The following FGF7 variants were observed in gnomAD, a reference collection of about 807,000 sequenced individuals.
FGF7 encodes fibroblast growth factor 7.
Under a neutral mutation model 20.5 loss-of-function variants are expected in FGF7, and 6 were observed. The ratio of observed to expected loss-of-function variants is 0.29; its 90% confidence interval spans 0.16 to 0.58. The LOEUF (loss-of-function observed/expected upper bound fraction) is 0.58, where lower values mean the gene tolerates loss of function less well. FGF7 is among the 20% of genes least tolerant of loss of function. The pLI, the probability that FGF7 is intolerant of heterozygous loss-of-function variation, is 0.90. For missense variants in FGF7, 144 were observed against 228.8 expected (o/e 0.63, Z 2.39); for synonymous variants, 64 against 74.7 (o/e 0.86, Z 0.74).
At chr15:49,460,730 T>C (rs2053715418) in intron 2 of FGF7, among the ~76,000 whole-genome samples, 1 of 152,174 alleles carries the variant, frequency 6.6e-6, no homozygotes, top group Non-Finnish European at 1.5e-5. Context: ...AAAACCCCTC[T>C]GGCACTTATA....
rs2051542379 is a variant in FGF7 at position 49,440,560 on chromosome 15, T to C, written c.286+15977T>C. On this transcript the variant is annotated intron_variant, in intron 2 of 3. Coordinates refer to ENST00000267843, the MANE Select transcript of FGF7 (RefSeq NM_002009.4). Reference sequence around the variant, plus strand: ...TTGTTGTACAGTCATACAGCTAAAATAAAATTAACCAAATTAATGCATTAA... The same window carrying C: ...TTGTTGTACAGTCATACAGCTAAAACAAAATTAACCAAATTAATGCATTAA... Among the ~76,000 whole-genome samples the C allele has an allele frequency of 2.0e-5, 3 of 151,914 alleles. No homozygotes were observed. The South Asian group carries it at 6.2e-4, about 31-fold the overall frequency.
At chr15:49,480,643 G>A (rs1311339003) in intron 2 of FGF7, among the ~76,000 whole-genome samples, 3 of 151,762 alleles carry the variant, frequency 2.0e-5, no homozygotes, top group Admixed American at 6.6e-5. Context: ...CACCACACCC[G>A]GATAATTTTT....
At position 49,486,267 on chromosome 15, in the gene FGF7, TATACGACC is replaced by T. The variant is rs2056394076; in HGVS notation, c.*1765_*1772del. On this transcript the variant is annotated 3_prime_UTR_variant, in exon 4 of 4. Transcript: ENST00000267843. ...TCATTTAATTTTCCTGTGGTTGACC[TATACGACC>T]AGGATGTAGAAAACTAGAAAGAACT... is the stretch of plus-strand genomic sequence containing the variant. The T allele has an allele frequency of 6.6e-6, 1 of 152,092 alleles. No homozygotes were observed. Among genetic ancestry groups the T allele is most frequent in the African/African-American group, 2.4e-5 (1 of 41,448 alleles). 9.4% of individuals were successfully genotyped at this position (152,092 alleles called of 1,614,324 possible).
chr15:49,456,087 C>T (rs1181244456), intron 2 of FGF7, among the ~76,000 whole-genome samples: 1 of 152,086 alleles, frequency 6.6e-6, no homozygotes, highest in Non-Finnish European at 1.5e-5. Flanking sequence ...ATAAGACATT[C>T]TAAAATGTTA....
At chr15:49,437,339 G>C (rs1329019371) in intron 2 of FGF7, among the ~76,000 whole-genome samples, 1 of 151,626 alleles carries the variant, frequency 6.6e-6, no homozygotes, top group Non-Finnish European at 1.5e-5. Context: ...TAACAAGCAT[G>C]TCTGAAGGAT....
In FGF7 at chr15:49,485,318, TAATC is replaced by T. The variant is rs1301131423; in HGVS notation, c.*815_*818del. ...ATCTTTAAGTTTTTTTCAAGTAACA[TAATC>T]TATCTTTGTATAATTCATATTTGGG... On this transcript the variant is annotated 3_prime_UTR_variant, in exon 4 of 4. Transcript: ENST00000267843. 6.6e-6 allele frequency: 1 copy of T among 152,374 alleles called. No homozygotes were observed. Among genetic ancestry groups the T allele is most frequent in the Admixed American group, 6.6e-5 (1 of 15,226 alleles). The allele number at this position is 152,374 out of a possible 1,614,324, so 9.4% of individuals were successfully genotyped here.
chr15:49,436,252 T>C (rs1471597285), intron 2 of FGF7, among the ~76,000 whole-genome samples: 13 of 151,680 alleles, frequency 8.6e-5, no homozygotes, highest in Non-Finnish European at 1.5e-5. Context: ...GCATACAATG[T>C]TGATTGTTTT....
Position 49,424,236 on chromosome 15 carries a change from ACAAT to A in FGF7, c.-58_-55del. The stretch of plus-strand genomic sequence containing the variant: ...GGAAGAGGTCAATGACCTAGGAGTA[ACAAT>A]CAACTCAAGATTCATTTTCATTATG... On this transcript the variant is annotated 5_prime_UTR_variant, in exon 2 of 4. Coordinates refer to ENST00000267843, the MANE Select transcript of FGF7 (RefSeq NM_002009.4). 2 of 1,450,340 alleles carry A rather than the reference ACAAT, an allele frequency of 1.4e-6. No homozygotes were observed. Among genetic ancestry groups the A allele is most frequent in the Non-Finnish European group, 1.9e-6 (2 of 1,046,488 alleles). The allele number at this position is 1,450,340 out of a possible 1,614,324, so 89.8% of individuals were successfully genotyped here.
In FGF7 at chr15:49,446,164, A is replaced by G. The variant is rs569315668; in HGVS notation, c.286+21581A>G. Among the ~76,000 whole-genome samples the G allele has an allele frequency of 9.0e-4, 136 of 151,712 alleles. 5 individuals are homozygous for G. The South Asian group carries it at 0.027, about 30-fold the overall frequency. On this transcript the variant is annotated intron_variant, in intron 2 of 3. Transcript: ENST00000267843. Reference sequence around the variant, plus strand: ...AGGCTGACAACAATTTTCATTGAGGAAGGCTTCACTCACTGATAAATATGG... The same window carrying G: ...AGGCTGACAACAATTTTCATTGAGGGAGGCTTCACTCACTGATAAATATGG...
intron 2 of FGF7, among the ~76,000 whole-genome samples, chr15:49,461,532 T>G (rs1486370613): frequency 6.6e-6 from 1 of 152,226 alleles, no homozygotes; most frequent in Non-Finnish European, 1.5e-5. Flanking sequence ...TACTTACTGC[T>G]AGATGTCTTG....
intron 2 of FGF7, among the ~76,000 whole-genome samples, chr15:49,460,834 AAAG>A (rs1174951595): frequency 1.3e-5 from 2 of 152,210 alleles, no homozygotes; most frequent in Non-Finnish European, 2.9e-5. Context: ...GGCAGATATC[AAAG>A]AAGAACATTG....
intron 2 of FGF7, among the ~76,000 whole-genome samples, chr15:49,465,607 A>G (rs1404341556): frequency 1.3e-5 from 2 of 152,130 alleles, no homozygotes; most frequent in African/African-American, 2.4e-5. Context: ...GAGACCTATA[A>G]TTGATTGAAA....
intron 2 of FGF7, among the ~76,000 whole-genome samples, chr15:49,442,024 T>C (rs1258421966): frequency 6.6e-6 from 1 of 151,652 alleles, no homozygotes; most frequent in Non-Finnish European, 1.5e-5. Flanking sequence ...AGATCCATTA[T>C]AGTGTCCAGC....
intron 2 of FGF7, among the ~76,000 whole-genome samples, chr15:49,462,518 T>C (rs2053895157): frequency 6.6e-6 from 1 of 152,238 alleles, no homozygotes; most frequent in Non-Finnish European, 1.5e-5. Context: ...AAAAAGTCTC[T>C]ACTGATTCTA....
intron 2 of FGF7, among the ~76,000 whole-genome samples, chr15:49,442,872 G>T (rs537846562): frequency 6.6e-6 from 1 of 151,812 alleles, no homozygotes; most frequent in African/African-American, 2.4e-5. Flanking sequence ...CCAAATATGT[G>T]CTGCTCACAC....
intron 2 of FGF7, among the ~76,000 whole-genome samples, chr15:49,435,213 C>T (rs2050994351): frequency 6.6e-6 from 1 of 151,494 alleles, no homozygotes. Context: ...TTACCTATGT[C>T]AGCTGTTGAC....
chr15:49,474,006 T>C (rs527375639), intron 2 of FGF7, among the ~76,000 whole-genome samples: 1 of 152,140 alleles, frequency 6.6e-6, no homozygotes, highest in Non-Finnish European at 1.5e-5. Flanking sequence ...CTTTATAATA[T>C]AACCTTGAAA....
chr15:49,427,400 C>T (rs1252012930), intron 2 of FGF7, among the ~76,000 whole-genome samples: 1 of 151,902 alleles, frequency 6.6e-6, no homozygotes, highest in Non-Finnish European at 1.5e-5. Flanking sequence ...GAATGAAATG[C>T]AGCAGGATTC....
chr15:49,450,498 A>G (rs1395704690), intron 2 of FGF7, among the ~76,000 whole-genome samples: 1 of 152,076 alleles, frequency 6.6e-6, no homozygotes, highest in Non-Finnish European at 1.5e-5. Flanking sequence ...ATAAACTGAC[A>G]TTATTAATGG....
Sources: allele counts gnomAD v4.1 joint callset (sites outside exome capture counted in the v4.1 genomes callset), GRCh38; gene constraint gnomAD v4.1.1; transcripts MANE v1.5; gene names NCBI Gene and HGNC (gene_info 2026-07-23, HGNC 2026-07-21).